Variants in SLFN11 observed in about 807,000 individuals in gnomAD.
The protein encoded by SLFN11 is schlafen family member 11.
In SLFN11, 43 loss-of-function variants were observed where a neutral mutation model predicts 53.4. That is an observed-to-expected ratio of 0.80 (90% CI 0.63 to 1.04). The LOEUF (loss-of-function observed/expected upper bound fraction) is 1.04. Among genes scored for constraint, SLFN11 ranks in the 50% least tolerant of loss-of-function variants. The probability of loss-of-function intolerance (pLI) is 0.00; values close to 1 mark genes in which losing one functional copy is unlikely to be tolerated. For synonymous variants in SLFN11, 389 were observed against 394.7 expected (o/e 0.99, Z 0.17); for missense variants, 990 against 1,079.1 (o/e 0.92, Z 1.16).
At chr17:35,358,303 T>C (rs565375529) in intron 5 of SLFN11, among the ~76,000 whole-genome samples, 2 of 151,804 alleles carry the variant, frequency 1.3e-5, no homozygotes, top group African/African-American at 4.8e-5. Context: ...TAAGTACTTA[T>C]ATTCATTCTG....
chr17:35,353,340 T>C lies in SLFN11; in HGVS notation c.1918A>G (p.Ile640Val), dbSNP rs770497477. ...VCENQPLRNF[I>V]SDRNICRAET... ...ACGTAAGATCCAACTGCTTACCTGA[T>C]AAAGTTCCTCAGAGGCTGGTTTTCA... is the stretch of plus-strand genomic sequence containing the variant. Residue 640 changes from isoleucine (I) to valine (V), a missense_variant, in exon 6 of 7, where the codon ATC (isoleucine) becomes GTC (valine). Ile to Val is a conservative substitution (Grantham distance 29). This residue lies in a region of SLFN11 where 156 missense variants were observed against 241.9 expected (regional missense o/e 0.64). Coordinates refer to ENST00000685675, the MANE Select transcript of SLFN11 (RefSeq NM_001376007.1). 34 of 1,613,362 alleles carry C rather than the reference T, an allele frequency of 2.1e-5. No homozygotes were observed. Among genetic ancestry groups the C allele is most frequent in the Admixed American group, 3.3e-5 (2 of 59,808 alleles).
intron 5 of SLFN11, among the ~76,000 whole-genome samples, chr17:35,359,252 G>A (rs1004161489): frequency 2.6e-5 from 4 of 152,004 alleles, no homozygotes; most frequent in African/African-American, 4.8e-5. Context: ...GAGCTTAAAA[G>A]GTGATTAGCA....
chr17:35,362,737 A>T lies in SLFN11; in HGVS notation c.1069+2T>A. 6.5e-7 allele frequency: 1 copy of T among 1,545,242 alleles called. No individual in the cohort carries two copies. The highest frequency in any genetic ancestry group is 8.7e-7 in the Non-Finnish European group (1 of 1,146,884). On this transcript the variant is annotated splice_donor_variant, in intron 4 of 6. Transcript: ENST00000685675. LOFTEE classifies it high-confidence loss of function. Reference sequence around the variant, plus strand: ...GGGAGGGAGGAGCTTTCTCCCTCTTACCTGGATCTGTGTCTGTCATCATGC... The same window carrying T: ...GGGAGGGAGGAGCTTTCTCCCTCTTTCCTGGATCTGTGTCTGTCATCATGC...
intron 3 of SLFN11, among the ~76,000 whole-genome samples, chr17:35,364,443 C>T (rs1433061494): frequency 6.6e-6 from 1 of 152,032 alleles, no homozygotes; most frequent in Admixed American, 6.5e-5. Flanking sequence ...GTGACAGAGC[C>T]AAGGTGTCTA....
Position 35,350,457 on chromosome 17 carries a change from A to G in SLFN11, c.*1899T>C, listed in dbSNP as rs921646522. ...TTCATAATTATTTATACATTTTAAAATATTATATTGTTTCAAATATTGTTA... is the reference window on the plus strand; with the variant it reads ...TTCATAATTATTTATACATTTTAAAGTATTATATTGTTTCAAATATTGTTA... On this transcript the variant is annotated 3_prime_UTR_variant, in exon 7 of 7. Coordinates refer to ENST00000685675, the MANE Select transcript of SLFN11 (RefSeq NM_001376007.1). 1 of 152,190 alleles carries G rather than the reference A, an allele frequency of 6.6e-6. No individual in the cohort carries two copies. Among genetic ancestry groups the G allele is most frequent in the Non-Finnish European group, 1.5e-5 (1 of 68,030 alleles). 9.4% of individuals were successfully genotyped at this position (152,190 alleles called of 1,614,324 possible). A position where few individuals can be genotyped will look rare whatever the true frequency, so the allele number is the denominator to read the frequency against.
chr17:35,359,963 C>A, intron 5 of SLFN11: 1 of 311,702 alleles, frequency 3.2e-6, no homozygotes, highest in Non-Finnish European at 5.9e-6. Context: ...TAAAAATGAC[C>A]AGAAACACTG....
At position 35,353,795 on chromosome 17, in the gene SLFN11, G is replaced by A. The variant is rs763222809; in HGVS notation, c.1463C>T (p.Thr488Ile). 2 of 1,577,182 alleles carry A rather than the reference G, an allele frequency of 1.3e-6. No individual in the cohort carries two copies. Among genetic ancestry groups the A allele is most frequent in the Non-Finnish European group, 1.7e-6 (2 of 1,158,386 alleles). The change falls in exon 6 of 7, where the codon ACT (threonine) becomes ATT (isoleucine). Residue 488 changes from threonine (T) to isoleucine (I), a missense_variant. By Grantham distance (89) the Thr-to-Ile change is moderately conservative. This residue lies in a region of SLFN11 where 156 missense variants were observed against 241.9 expected (regional missense o/e 0.64). Coordinates refer to ENST00000685675, the MANE Select transcript of SLFN11 (RefSeq NM_001376007.1). ...EQDAEGQDYC[T>I]RTAFTLKQKL... ...CTGCTTCAAAGTAAAGGCGGTGCGA[G>A]TGCAGTAGTCCTGGCCCTCTGCATC...
intron 5 of SLFN11, among the ~76,000 whole-genome samples, chr17:35,359,857 A>T (rs1457162603): frequency 6.6e-6 from 1 of 152,164 alleles, no homozygotes; most frequent in East Asian, 1.9e-4. Flanking sequence ...ACATAAAATC[A>T]TGAGGGTAGT....
At chr17:35,356,785 G>A (rs1393735073) in intron 5 of SLFN11, among the ~76,000 whole-genome samples, 1 of 138,548 alleles carries the variant, frequency 7.2e-6, no homozygotes, top group Non-Finnish European at 1.5e-5. Context: ...GTGTATGTAA[G>A]CATATGTAGC....
intron 4 of SLFN11, among the ~76,000 whole-genome samples, chr17:35,361,293 G>T (rs1485463134): frequency 6.6e-6 from 1 of 152,136 alleles, no homozygotes; most frequent in African/African-American, 2.4e-5. Context: ...GAGCAGAGGG[G>T]TAGAGCAGAT....
In SLFN11 at chr17:35,352,927, C is replaced by T. The variant is rs759265116; in HGVS notation, c.2135G>A (p.Cys712Tyr). 9 of 1,614,066 alleles carry T rather than the reference C, an allele frequency of 5.6e-6. No homozygotes were observed. The highest frequency in any genetic ancestry group is 7.6e-6 in the Non-Finnish European group (9 of 1,180,050). Residue 712 changes from cysteine (C) to tyrosine (Y), a missense_variant, in exon 7 of 7, where the codon TGC becomes TAC. Around this residue, in one of 3 missense-constraint regions of SLFN11, gnomAD observed 313 missense variants for 320.9 expected, o/e 0.98. Coordinates refer to ENST00000685675, the MANE Select transcript of SLFN11 (RefSeq NM_001376007.1). ...LDYFQTSHLDCSGLPPLSDQY... is the reference protein window; with the variant it reads ...LDYFQTSHLDYSGLPPLSDQY... ...GTCTGAGAGAGGAGGGAGGCCACTG[C>T]AATCCAAGTGGCTGGTCTGAAAGTA... is the stretch of plus-strand genomic sequence containing the variant.
chr17:35,354,467 C>T (rs1019940128), intron 5 of SLFN11, among the ~76,000 whole-genome samples: 3 of 152,188 alleles, frequency 2.0e-5, no homozygotes, highest in African/African-American at 7.2e-5. Context: ...TGCCCCATTG[C>T]TGGGAGTAGC....
Position 35,363,154 on chromosome 17 carries a change from G to A in SLFN11, c.654C>T (p.Phe218=), listed in dbSNP as rs755615026. The part of the protein sequence containing the change: ...PESQLVEFKQ[F]STKHFQEYVK... ...CATATTCTTGGAAGTGTTTTGTAGA[G>A]AACTGTTTAAACTCTACTAACTGAG... Residue 218 remains phenylalanine, a synonymous_variant, in exon 4 of 7, where the codon TTC becomes TTT. Transcript: ENST00000685675. 11 of 1,613,832 alleles carry A rather than the reference G, an allele frequency of 6.8e-6. No individual in the cohort carries two copies. In the Admixed American group the frequency reaches 1.3e-4, roughly 20 times the overall value.
intron 5 of SLFN11, among the ~76,000 whole-genome samples, chr17:35,356,352 T>A (rs1455472245): frequency 6.6e-6 from 1 of 152,100 alleles, no homozygotes; most frequent in Non-Finnish European, 1.5e-5. Context: ...ATGAAAATTG[T>A]CTTTTAAAAA....
intron 3 of SLFN11, among the ~76,000 whole-genome samples, chr17:35,364,237 A>G (rs907624086): frequency 6.6e-6 from 1 of 152,146 alleles, no homozygotes; most frequent in Non-Finnish European, 1.5e-5. Context: ...TTGATGTTCC[A>G]GTGAACACCA....
In SLFN11 at chr17:35,350,835, T is replaced by C. The variant is rs1906580091; in HGVS notation, c.*1521A>G. On this transcript the variant is annotated 3_prime_UTR_variant, in exon 7 of 7. Transcript: ENST00000685675. ...TGGGGGGAAATCAGTAGAGTAAGAT[T>C]ACCAATAAGTGAAATATTGGTCATA... The C allele has an allele frequency of 6.6e-6, 1 of 152,242 alleles. No homozygotes were observed. Among genetic ancestry groups the C allele is most frequent in the Non-Finnish European group, 1.5e-5 (1 of 68,032 alleles). 9.4% of individuals were successfully genotyped at this position (152,242 alleles called of 1,614,324 possible). A position where few individuals can be genotyped will look rare whatever the true frequency, so the allele number is the denominator to read the frequency against.
intron 1 of SLFN11, among the ~76,000 whole-genome samples, chr17:35,368,237 A>T (rs955033862): frequency 6.6e-6 from 1 of 152,060 alleles, no homozygotes; most frequent in African/African-American, 2.4e-5. Flanking sequence ...GGGAAATGGG[A>T]GGGCAGAACA....
In SLFN11 at chr17:35,363,053, T is replaced by C; in HGVS notation, c.755A>G (p.Asp252Gly). ...ACATCCCAGGACTTCCCTACTCTTA[T>C]CATCCACTCCAATAAAAAGATAGCC... ...GGGYLFIGVD[D>G]KSREVLGCAK... Residue 252 changes from aspartate to glycine, a missense_variant, in exon 4 of 7, where the codon GAT becomes GGT. Around this residue, in one of 3 missense-constraint regions of SLFN11, gnomAD observed 521 missense variants for 516.2 expected, o/e 1.01. Transcript: ENST00000685675. 1.2e-6 allele frequency: 2 copies of C among 1,614,042 alleles called. No individual in the cohort carries two copies. The highest frequency in any genetic ancestry group is 8.5e-7 in the Non-Finnish European group (1 of 1,179,972).
At chr17:35,364,390 A>G (rs11869519) in intron 3 of SLFN11, among the ~76,000 whole-genome samples, 61,101 of 152,084 alleles carry the variant, frequency 0.4, 14,740 homozygotes, top group Non-Finnish European at 0.52. Context: ...CAGAGGTCTC[A>G]GATCTATGGC....
Sources: gnomAD v4.1 joint callset for allele counts (sites outside exome capture counted in the v4.1 genomes callset) on GRCh38, gnomAD v4.1.1 for gene constraint, gnomAD v4.1.1 regional missense constraint, MANE v1.5 for transcripts, NCBI Gene and HGNC (gene_info 2026-07-23, HGNC 2026-07-21) for gene names.